The following C6orf89 variants were observed in gnomAD, a reference collection of about 807,000 sequenced individuals.
C6orf89 encodes the protein bombesin receptor-activated protein C6orf89.
Under a neutral mutation model 40.7 loss-of-function variants are expected in C6orf89, and 29 were observed. The observed-to-expected ratio is 0.71, with a 90% CI of 0.53 to 0.97. C6orf89 has a LOEUF of 0.97. Ranked by LOEUF, C6orf89 falls within the 50% of genes least tolerant of loss-of-function variation. C6orf89 has a pLI of 0.00. For synonymous variants in C6orf89, 165 were observed against 152.2 expected, an observed-to-expected ratio of 1.08 and a Z score of -0.62; for missense variants, 392 against 429.1, an observed-to-expected ratio of 0.91 and a Z score of 0.76.
intron 1 of C6orf89, chr6:36,874,637 A>G (rs990280495): frequency 1.3e-6 from 2 of 1,554,452 alleles, no homozygotes; most frequent in Admixed American, 1.7e-5. Context: ...TCCCGGAGGA[A>G]CGCGCCAGGA....
chr6:36,897,244 T>C (rs183887990), intron 2 of C6orf89, among the ~76,000 whole-genome samples: 1 of 152,174 alleles, frequency 6.6e-6, no homozygotes, highest in Admixed American at 6.5e-5. Flanking sequence ...AAAAATTATA[T>C]AGCTGTCCCT....
upstream of C6orf89, among the ~76,000 whole-genome samples, chr6:36,882,898 T>C (rs1401726823): frequency 1.3e-5 from 2 of 150,868 alleles, no homozygotes; most frequent in Non-Finnish European, 3.0e-5. Flanking sequence ...CCACCGCGCC[T>C]GGCTAATTTT....
At chr6:36,906,768 G>T (rs1179632491) in intron 4 of C6orf89, among the ~76,000 whole-genome samples, 1 of 152,106 alleles carries the variant, frequency 6.6e-6, no homozygotes, top group South Asian at 2.1e-4. Flanking sequence ...TCATGCCCGG[G>T]GTACTAGAAG....
At chr6:36,917,872 C>CA in intron 7 of C6orf89, among the ~76,000 whole-genome samples, 1 of 152,326 alleles carries the variant, frequency 6.6e-6, no homozygotes, top group South Asian at 2.1e-4. Context: ...TGTGCAACAC[C>CA]AAGGAGCCCA....
chr6:36,913,154 G>A (rs1422901448), intron 4 of C6orf89, among the ~76,000 whole-genome samples: 1 of 152,210 alleles, frequency 6.6e-6, no homozygotes, highest in Admixed American at 6.5e-5. Flanking sequence ...AAACAGCATG[G>A]TAACAGAGGG....
intron 4 of C6orf89, among the ~76,000 whole-genome samples, chr6:36,913,521 G>C (rs1224314958): frequency 1.3e-5 from 2 of 152,182 alleles, no homozygotes; most frequent in Non-Finnish European, 2.9e-5. Flanking sequence ...GCATGTGTGA[G>C]AAGTGCATTA....
intron 6 of C6orf89, among the ~76,000 whole-genome samples, chr6:36,915,494 C>G (rs1197322563): frequency 6.6e-6 from 1 of 152,138 alleles, no homozygotes; most frequent in East Asian, 1.9e-4. Context: ...ATAATCCCAA[C>G]ACTTTGGGAG....
intron 6 of C6orf89, among the ~76,000 whole-genome samples, chr6:36,915,761 G>C (rs983981172): frequency 5.3e-5 from 8 of 151,840 alleles, no homozygotes; most frequent in Non-Finnish European, 8.8e-5. Context: ...GGGAAACAGA[G>C]AGATTAAGTA....
rs534484977 is a variant in C6orf89 at position 36,926,174 on chromosome 6, T to C, written c.*2733T>C. On this transcript the variant is annotated 3_prime_UTR_variant, in exon 9 of 9. Transcript: ENST00000480824. ...AAGTAGTGAATGGATACCATACTTA[T>C]TATGGTTGATGAAAAAAGGCAGAGC... The C allele has an allele frequency of 3.3e-5, 5 of 152,266 alleles. No homozygotes were observed. In the South Asian group the frequency reaches 8.3e-4, roughly 25 times the overall value. The allele number at this position is 152,266 out of a possible 1,614,324, so 9.4% of individuals were successfully genotyped here. A position where few individuals can be genotyped will look rare whatever the true frequency, so the allele number is the denominator to read the frequency against.
chr6:36,922,674 T>G (rs1456174619), intron 8 of C6orf89, among the ~76,000 whole-genome samples: 1 of 152,224 alleles, frequency 6.6e-6, no homozygotes, highest in East Asian at 1.9e-4. Flanking sequence ...CAGGCTTACT[T>G]GGCCATGGAA....
At chr6:36,905,560 G>C (rs914202486) in intron 4 of C6orf89, among the ~76,000 whole-genome samples, 1 of 152,050 alleles carries the variant, frequency 6.6e-6, no homozygotes, top group African/African-American at 2.4e-5. Flanking sequence ...ATCCTCCCTA[G>C]TCTGCACCCT....
At chr6:36,898,283 C>CTTTTT (rs1199985589) in intron 2 of C6orf89, among the ~76,000 whole-genome samples, 2 of 93,850 alleles carry the variant, frequency 2.1e-5, no homozygotes, top group Admixed American at 1.1e-4. Context: ...CTTTTCTTTT[C>CTTTTT]TTTTTTTTTT....
At chr6:36,888,091 C>T (rs138632713) in intron 1 of C6orf89, among the ~76,000 whole-genome samples, 123 of 152,290 alleles carry the variant, frequency 8.1e-4, no homozygotes, top group African/African-American at 1.9e-3. Flanking sequence ...AAATGTGTTA[C>T]ATCATTTTAT....
chr6:36,916,453 C>T lies in C6orf89; in HGVS notation c.704C>T (p.Pro235Leu). ...WFPFPYPWRR[P>L]LNRSQMLREL... ...GTTTCATACTTCTACAGGAGGAGAC[C>T]TCTGAACAGATCACAAATGTTACGT... The change falls in exon 7 of 9, where the codon CCT becomes CTT. Residue 235 changes from proline to leucine, a missense_variant. By Grantham distance (98) the Pro-to-Leu change is moderately conservative. Transcript: ENST00000480824. 6.2e-7 allele frequency: 1 copy of T among 1,614,146 alleles called. No homozygotes were observed. Among genetic ancestry groups the T allele is most frequent in the African/African-American group, 1.3e-5 (1 of 75,044 alleles).
In C6orf89 at chr6:36,923,540, G is replaced by A; in HGVS notation, c.*99G>A. On this transcript the variant is annotated 3_prime_UTR_variant, in exon 9 of 9. Coordinates refer to ENST00000480824, the MANE Select transcript of C6orf89 (RefSeq NM_001286635.2). The stretch of plus-strand genomic sequence containing the variant: ...CGATGAAACTGCTTTCTGGGGGTTG[G>A]TTACTTAGTTACCTGCCCTTTGCAT... The A allele has an allele frequency of 1.1e-6, 1 of 908,294 alleles. No individual in the cohort carries two copies. Among genetic ancestry groups the A allele is most frequent in the East Asian group, 2.7e-5 (1 of 37,558 alleles). The allele number at this position is 908,294 out of a possible 1,614,324, so 56.3% of individuals were successfully genotyped here. A position where few individuals can be genotyped will look rare whatever the true frequency, so the allele number is the denominator to read the frequency against.
At position 36,918,196 on chromosome 6, in the gene C6orf89, GGCCTCCA is replaced by G. The variant is rs1036196232; in HGVS notation, c.826-1381_826-1375del. Among the ~76,000 whole-genome samples the G allele has an allele frequency of 3.9e-5, 6 of 152,278 alleles. No homozygotes were observed. The East Asian group carries it at 1.2e-3, about 29-fold the overall frequency. On this transcript the variant is annotated intron_variant, in intron 7 of 8. Coordinates refer to ENST00000480824, the MANE Select transcript of C6orf89 (RefSeq NM_001286635.2). ...AAGTGGCACTCGGGGAGAAGGTGAG[GGCCTCCA>G]AGGCCCACTTCACCCACTCCACGGT...
chr6:36,892,433 C>A (rs2150682171), intron 1 of C6orf89, among the ~76,000 whole-genome samples: 1 of 152,340 alleles, frequency 6.6e-6, no homozygotes. Context: ...CCTCTAACTT[C>A]TGGCCTCAAG....
At chr6:36,877,792 A>G (rs547455358) in intron 1 of C6orf89, among the ~76,000 whole-genome samples, 41 of 152,254 alleles carry the variant, frequency 2.7e-4, no homozygotes, top group Non-Finnish European at 4.4e-4. Flanking sequence ...TGACTAATGA[A>G]GTTGAATTCT....
Position 36,914,268 on chromosome 6 carries a change from T to C in C6orf89, c.404-16T>C, listed in dbSNP as rs771730002. 5.6e-6 allele frequency: 9 copies of C among 1,608,370 alleles called. No homozygotes were observed. The highest frequency in any genetic ancestry group is 7.6e-6 in the Non-Finnish European group (9 of 1,176,826). ...TCTTTCAGTATCTGTTTTCTCCATA[T>C]CCCTTCCTCTCTCAGACTTTGACCC... On this transcript the variant is annotated splice_polypyrimidine_tract_variant and intron_variant, in intron 4 of 8. Coordinates refer to ENST00000480824, the MANE Select transcript of C6orf89 (RefSeq NM_001286635.2).
Sources: allele counts gnomAD v4.1 joint callset (sites outside exome capture counted in the v4.1 genomes callset), GRCh38; gene constraint gnomAD v4.1.1; transcripts MANE v1.5; gene names NCBI Gene and HGNC (gene_info 2026-07-23, HGNC 2026-07-21).